The following TAFA2 variants were observed in gnomAD, a reference collection of about 807,000 sequenced individuals.
TAFA2 encodes TAFA chemokine like family member 2.
TAFA2 carries 7 observed loss-of-function variants against 18.8 expected under a neutral mutation model. The ratio of observed to expected loss-of-function variants is 0.37; its 90% CI spans 0.21 to 0.70. The LOEUF (loss-of-function observed/expected upper bound fraction) is 0.70, where lower values mean the gene tolerates loss of function less well. TAFA2 is among the 30% of genes least tolerant of loss of function. The pLI, the probability that TAFA2 is intolerant of heterozygous loss-of-function variation, is 0.53. For missense variants in TAFA2, 122 were observed against 158.1 expected (o/e 0.77, Z 1.23); for synonymous variants, 60 against 54.2 (o/e 1.11, Z -0.47).
chr12:62,242,359 G>A (rs1178323740), intron 1 of TAFA2: 1 of 151,960 alleles, frequency 6.6e-6, no homozygotes, highest in African/African-American at 2.4e-5. Flanking sequence ...CAAGATAGAA[G>A]ATAAAAGTAT....
chr12:61,740,485 A>C (rs969758445), intron 4 of TAFA2, among the ~76,000 whole-genome samples: 2 of 152,040 alleles, frequency 1.3e-5, no homozygotes, highest in African/African-American at 2.4e-5. Context: ...GTCTAAAAAA[A>C]AAAAGTCTAA....
chr12:61,799,725 G>C (rs1871331376), intron 2 of TAFA2, among the ~76,000 whole-genome samples: 1 of 152,156 alleles, frequency 6.6e-6, no homozygotes, highest in Admixed American at 6.5e-5. Flanking sequence ...GGGAGGCTGA[G>C]GCAGAAGAAT....
chr12:61,840,164 G>A (rs1163465396), intron 2 of TAFA2, among the ~76,000 whole-genome samples: 2 of 152,064 alleles, frequency 1.3e-5, no homozygotes, highest in Non-Finnish European at 1.5e-5. Flanking sequence ...TGCTTCAGGA[G>A]TCAAGTTAAT....
intron 1 of TAFA2, among the ~76,000 whole-genome samples, chr12:61,977,958 GT>G (rs1463906268): frequency 6.6e-5 from 10 of 151,974 alleles, no homozygotes; most frequent in Admixed American, 3.3e-4. Context: ...GTAGATTAGG[GT>G]TTTGCCTTCT....
At chr12:62,033,874 C>T (rs971533869) in intron 1 of TAFA2, among the ~76,000 whole-genome samples, 1 of 152,092 alleles carries the variant, frequency 6.6e-6, no homozygotes, top group Non-Finnish European at 1.5e-5. Flanking sequence ...AACTTTGTTT[C>T]ACTATTAGAT....
intron 1 of TAFA2, among the ~76,000 whole-genome samples, chr12:62,012,383 G>A (rs566129654): frequency 1.4e-3 from 207 of 148,656 alleles, no homozygotes; most frequent in Non-Finnish European, 2.2e-3. Flanking sequence ...TAGGAGACAC[G>A]TATATCATCT....
At chr12:62,051,106 A>T (rs1386873769) in intron 1 of TAFA2, among the ~76,000 whole-genome samples, 1 of 152,172 alleles carries the variant, frequency 6.6e-6, no homozygotes. Context: ...GAGGAAAAAA[A>T]TTCTTTTTTG....
intron 1 of TAFA2, among the ~76,000 whole-genome samples, chr12:62,154,142 T>G (rs978086358): frequency 6.6e-6 from 1 of 152,090 alleles, no homozygotes; most frequent in African/African-American, 2.4e-5. Context: ...GGTTATTTGT[T>G]TTCATACAAG....
intron 2 of TAFA2, among the ~76,000 whole-genome samples, chr12:61,810,879 G>A (rs1313349376): frequency 6.6e-6 from 1 of 151,178 alleles, no homozygotes; most frequent in African/African-American, 2.5e-5. Context: ...GTCAATTTGT[G>A]TTTTTGAAGA....
intron 1 of TAFA2, among the ~76,000 whole-genome samples, chr12:61,908,651 T>A (rs1311733421): frequency 6.6e-6 from 1 of 152,154 alleles, no homozygotes; most frequent in Non-Finnish European, 1.5e-5. Flanking sequence ...TGCTAAGATG[T>A]CTCAAAACTG....
chr12:62,176,590 A>G (rs1020513196), intron 1 of TAFA2, among the ~76,000 whole-genome samples: 3 of 152,208 alleles, frequency 2.0e-5, no homozygotes, highest in African/African-American at 7.2e-5. Context: ...AGTACATAAC[A>G]TGAATTTTTC....
At chr12:62,155,665 A>G (rs764065353) in intron 1 of TAFA2, among the ~76,000 whole-genome samples, 1 of 152,214 alleles carries the variant, frequency 6.6e-6, no homozygotes, top group Non-Finnish European at 1.5e-5. Context: ...CTGATCTTCA[A>G]CAAAGCAAAC....
chr12:61,730,077 G>C (rs570702417), intron 4 of TAFA2, among the ~76,000 whole-genome samples: 5 of 152,232 alleles, frequency 3.3e-5, no homozygotes, highest in African/African-American at 4.8e-5. Flanking sequence ...GATGTGATCT[G>C]TCTTCAGGTC....
At chr12:61,819,229 ATAGT>A (rs1872219821) in intron 2 of TAFA2, among the ~76,000 whole-genome samples, 2 of 152,216 alleles carry the variant, frequency 1.3e-5, no homozygotes, top group South Asian at 4.1e-4. Context: ...TGATAAATTG[ATAGT>A]TAAATGTTTT....
chr12:62,206,703 T>C (rs1301304144), intron 1 of TAFA2, among the ~76,000 whole-genome samples: 1 of 152,098 alleles, frequency 6.6e-6, no homozygotes, highest in African/African-American at 2.4e-5. Flanking sequence ...GTCTCAAACT[T>C]CTGGGCTCAA....
At chr12:62,248,875 A>G (rs1001101109) in intron 1 of TAFA2, among the ~76,000 whole-genome samples, 1 of 152,082 alleles carries the variant, frequency 6.6e-6, no homozygotes, top group Admixed American at 6.6e-5. Context: ...CAAAACTGAC[A>G]CTCTGTACCC....
chr12:61,902,992 CTT>C (rs1876176828), intron 1 of TAFA2, among the ~76,000 whole-genome samples: 2 of 152,046 alleles, frequency 1.3e-5, no homozygotes, highest in Non-Finnish European at 2.9e-5. Flanking sequence ...AATCCATCCG[CTT>C]TTTTACACTT....
chr12:62,183,679 C>G (rs952178313), intron 1 of TAFA2, among the ~76,000 whole-genome samples: 3 of 152,136 alleles, frequency 2.0e-5, no homozygotes, highest in Non-Finnish European at 4.4e-5. Context: ...GTCACTGCAC[C>G]CAGTCAATCT....
chr12:61,992,477 T>G (rs921785692), intron 1 of TAFA2, among the ~76,000 whole-genome samples: 9 of 152,120 alleles, frequency 5.9e-5, no homozygotes, highest in African/African-American at 2.2e-4. Context: ...TTGGACTTCT[T>G]GCAAGAACAT....
Sources: gnomAD v4.1 joint callset for allele counts (sites outside exome capture counted in the v4.1 genomes callset) on GRCh38, gnomAD v4.1.1 for gene constraint, MANE v1.5 for transcripts, NCBI Gene and HGNC (gene_info 2026-07-23, HGNC 2026-07-21) for gene names.